FAM107B: variants seen among roughly 807,000 people sequenced by gnomAD.
The protein encoded by FAM107B is family with sequence similarity 107 member B, also known as protein FAM107B.
A neutral mutation model predicts 31.5 loss-of-function variants in FAM107B; 21 were observed. The ratio of observed to expected loss-of-function variants is 0.67; its 90% CI spans 0.47 to 0.96. The LOEUF (loss-of-function observed/expected upper bound fraction) is 0.96, where lower values mean the gene tolerates loss of function less well. Among genes scored for constraint, FAM107B ranks in the 40% least tolerant of loss-of-function variants. The pLI is 0.00. For missense variants in FAM107B, 452 were observed against 377.1 expected (o/e 1.20, Z -1.64); for synonymous variants, 157 against 141.5 (o/e 1.11, Z -0.78).
intron 2 of FAM107B, among the ~76,000 whole-genome samples, chr10:14,637,390 T>A (rs535114367): frequency 3.9e-5 from 6 of 152,272 alleles, no homozygotes; most frequent in Non-Finnish European, 8.8e-5. Context: ...ATCTCAGCCC[T>A]TTGGGAGGTT....
At chr10:14,752,792 T>A (rs1469047061) in intron 1 of FAM107B, among the ~76,000 whole-genome samples, 2 of 151,950 alleles carry the variant, frequency 1.3e-5, no homozygotes, top group East Asian at 3.9e-4. Flanking sequence ...ATTAGCCGGG[T>A]GTGGTGGCAC....
At chr10:14,725,330 A>C (rs1048538218) in intron 1 of FAM107B, among the ~76,000 whole-genome samples, 3 of 152,194 alleles carry the variant, frequency 2.0e-5, no homozygotes, top group African/African-American at 7.2e-5. Context: ...AAAGAGATTG[A>C]GATTTCTCCT....
chr10:14,540,667 T>C (rs1170164591), intron 2 of FAM107B, among the ~76,000 whole-genome samples: 1 of 152,218 alleles, frequency 6.6e-6, no homozygotes, highest in Admixed American at 6.5e-5. Context: ...GGAAACCCCA[T>C]ACACCTTTAC....
At chr10:14,546,038 A>AT (rs1272328295) in intron 2 of FAM107B, among the ~76,000 whole-genome samples, 1 of 152,244 alleles carries the variant, frequency 6.6e-6, no homozygotes, top group Non-Finnish European at 1.5e-5. Context: ...TAATTCCGTA[A>AT]TATTTATGAC....
intron 1 of FAM107B, among the ~76,000 whole-genome samples, chr10:14,700,645 G>A (rs1425537306): frequency 2.0e-5 from 3 of 151,926 alleles, no homozygotes; most frequent in East Asian, 1.9e-4. Flanking sequence ...GGAATCTGCT[G>A]CAACTCCCTC....
intron 1 of FAM107B, among the ~76,000 whole-genome samples, chr10:14,742,015 A>G (rs1424682861): frequency 2.0e-5 from 3 of 151,702 alleles, no homozygotes; most frequent in African/African-American, 4.8e-5. Flanking sequence ...CGTGCGGCCA[A>G]CTCCCTAACT....
chr10:14,706,922 C>T (rs1427021470), intron 1 of FAM107B, among the ~76,000 whole-genome samples: 2 of 152,054 alleles, frequency 1.3e-5, no homozygotes, highest in African/African-American at 2.4e-5. Context: ...GTCAGGAGAT[C>T]GAGACCACCC....
intron 3 of FAM107B, chr10:14,528,174 GTTTTTTTTTTTTTT>G (rs34584902): frequency 1.5e-5 from 1 of 66,328 alleles, no homozygotes; most frequent in Non-Finnish European, 2.6e-5. Flanking sequence ...TTAAGTTTTG[GTTTTTTTTTTTTTT>G]TTTTTTTTTT....
At chr10:14,663,611 T>A (rs991902764) in intron 2 of FAM107B, 4 of 152,240 alleles carry the variant, frequency 2.6e-5, no homozygotes, top group African/African-American at 9.6e-5. Context: ...AATGGGCTAA[T>A]GTATCCATGA....
chr10:14,680,019 G>A (rs1308957361), intron 1 of FAM107B, among the ~76,000 whole-genome samples: 2 of 152,114 alleles, frequency 1.3e-5, no homozygotes, highest in Non-Finnish European at 2.9e-5. Context: ...GTGATCGTGT[G>A]AGTCAATACT....
intron 2 of FAM107B, among the ~76,000 whole-genome samples, chr10:14,605,995 C>G (rs1002903079): frequency 1.2e-4 from 18 of 152,182 alleles, no homozygotes; most frequent in African/African-American, 4.1e-4. Context: ...CTAACACATG[C>G]TTTTCCTCTC....
At chr10:14,708,442 G>A (rs1342492625) in intron 1 of FAM107B, among the ~76,000 whole-genome samples, 1 of 152,084 alleles carries the variant, frequency 6.6e-6, no homozygotes, top group Non-Finnish European at 1.5e-5. Context: ...GACTATGTGT[G>A]CTTTCAGACA....
chr10:14,689,408 CT>C (rs1855072437), intron 1 of FAM107B, among the ~76,000 whole-genome samples: 1 of 148,976 alleles, frequency 6.7e-6, no homozygotes, highest in Non-Finnish European at 1.5e-5. Flanking sequence ...TAAAAATTTT[CT>C]TTTAAAAAAA....
In FAM107B at chr10:14,519,704, T is replaced by C. The variant is rs1845449166; in HGVS notation, c.*1486A>G. ...ACACTAAAGCATTCCCATAGAAAGCTAATTTCTACTGTGCTAATTAAGGAT... is the reference window on the plus strand; with the variant it reads ...ACACTAAAGCATTCCCATAGAAAGCCAATTTCTACTGTGCTAATTAAGGAT... On this transcript the variant is annotated 3_prime_UTR_variant, in exon 5 of 5. Transcript: ENST00000181796. 6.6e-6 allele frequency: 1 copy of C among 152,232 alleles called. No individual in the cohort carries two copies. Among genetic ancestry groups the C allele is most frequent in the Admixed American group, 6.5e-5 (1 of 15,288 alleles). 9.4% of individuals were successfully genotyped at this position (152,232 alleles called of 1,614,324 possible). A position where few individuals can be genotyped will look rare whatever the true frequency, so the allele number is the denominator to read the frequency against.
chr10:14,692,724 A>G (rs1191952685), intron 1 of FAM107B, among the ~76,000 whole-genome samples: 1 of 152,204 alleles, frequency 6.6e-6, no homozygotes, highest in African/African-American at 2.4e-5. Context: ...TGATCAACAA[A>G]GAAAGGTGGG....
chr10:14,759,646 T>G (rs1284351525), intron 1 of FAM107B, among the ~76,000 whole-genome samples: 2 of 152,242 alleles, frequency 1.3e-5, no homozygotes, highest in African/African-American at 4.8e-5. Flanking sequence ...GAATGTTTAT[T>G]GAATAAATTA....
At chr10:14,613,477 T>C (rs1358737570) in intron 2 of FAM107B, among the ~76,000 whole-genome samples, 1 of 152,202 alleles carries the variant, frequency 6.6e-6, no homozygotes, top group East Asian at 1.9e-4. Context: ...CTTCCTTACT[T>C]ACCCCATGCC....
rs528021521 is a variant in FAM107B at position 14,591,888 on chromosome 10, G to A, written c.470-61373C>T. Among the ~76,000 whole-genome samples, 4 of 152,216 alleles carry A rather than the reference G, an allele frequency of 2.6e-5. No homozygotes were observed. The South Asian group carries it at 8.3e-4, about 32-fold the overall frequency. Reference sequence around the variant, plus strand: ...GAAACCCAGCACCCAAATCCAGAATGTGGAACATTCTACGGAACAAGTGAC... The same window carrying A: ...GAAACCCAGCACCCAAATCCAGAATATGGAACATTCTACGGAACAAGTGAC... On this transcript the variant is annotated intron_variant, in intron 2 of 4. Coordinates refer to ENST00000181796, the MANE Select transcript of FAM107B (RefSeq NM_031453.4).
intron 1 of FAM107B, among the ~76,000 whole-genome samples, chr10:14,750,517 C>T (rs546829710): frequency 3.9e-5 from 6 of 152,198 alleles, no homozygotes; most frequent in East Asian, 3.9e-4. Flanking sequence ...GAGCCTGAGG[C>T]GGGAGAATCG....
Sources: allele counts gnomAD v4.1 joint callset (sites outside exome capture counted in the v4.1 genomes callset), GRCh38; gene constraint gnomAD v4.1.1; transcripts MANE v1.5; gene names NCBI Gene and HGNC (gene_info 2026-07-23, HGNC 2026-07-21).